Variants in NDRG2 observed in about 807,000 individuals in gnomAD.
The protein encoded by NDRG2 is protein NDRG2.
NDRG2 carries 34 observed loss-of-function variants against 58.2 expected under a neutral mutation model. That is an observed-to-expected ratio of 0.58 (90% CI 0.44 to 0.78). The LOEUF is 0.78. Ranked by LOEUF, NDRG2 falls within the 30% of genes least tolerant of loss-of-function variation. NDRG2 has a pLI of 0.00. For synonymous variants in NDRG2, 187 were observed against 175.9 expected (o/e 1.06, Z -0.50); for missense variants, 434 against 471.2 (o/e 0.92, Z 0.73).
At chr14:21,046,175 C>T (rs1162608079) in intron 1 of NDRG2, among the ~76,000 whole-genome samples, 1 of 152,082 alleles carries the variant, frequency 6.6e-6, no homozygotes, top group African/African-American at 2.4e-5. Context: ...TTGTTCTGTT[C>T]TGTACTATTT....
At chr14:21,018,108 C>A in intron 14 of NDRG2, 70 bp from the exon 15 acceptor site, 1 of 1,598,908 alleles carries the variant, frequency 6.3e-7, no homozygotes, top group South Asian at 1.1e-5. Flanking sequence ...CCTGAGGCTG[C>A]GGCACTGTGG....
In NDRG2 at chr14:21,022,407, C is replaced by T. The variant is rs748137507; in HGVS notation, c.208G>A (p.Asp70Asn). 6.2e-7 allele frequency: 1 copy of T among 1,613,622 alleles called. No homozygotes were observed. The highest frequency in any genetic ancestry group is 8.5e-7 in the Non-Finnish European group (1 of 1,179,614). ...AGGTCCTTACAGTTGAGTCCCACAT[C>T]GTGGTAGGTAAGGATCGCTGGGCGT... ...PKRPAILTYH[D>N]VGLNYKSCFQ... The change falls in exon 4 of 16, where the codon GAT (aspartate) becomes AAT (asparagine). Residue 70 changes from aspartate (D) to asparagine (N), a missense_variant. By Grantham distance (23) the Asp-to-Asn change is conservative. Transcript: ENST00000556147.
upstream of NDRG2, among the ~76,000 whole-genome samples, chr14:21,027,473 T>C (rs138826034): frequency 1.3e-5 from 2 of 152,336 alleles, no homozygotes; most frequent in South Asian, 2.1e-4. Flanking sequence ...ACAAGTTATA[T>C]ATAAGATCAA....
Position 21,070,240 on chromosome 14 carries a change from G to A in NDRG2, c.24+588C>T. ...CGGCCGTCTCGGCCCTCCCTGGCGGGGCCCCGCGGCCTGGAAGCCGGAGCG... is the reference window on the plus strand; with the variant it reads ...CGGCCGTCTCGGCCCTCCCTGGCGGAGCCCCGCGGCCTGGAAGCCGGAGCG... On this transcript the variant is annotated intron_variant, in intron 1 of 14. Coordinates refer to the NDRG2 transcript ENST00000403829. The surrounding 1 kb of genome is among the most constrained non-coding windows in gnomAD (Gnocchi z 4.7). 4.1e-6 allele frequency: 3 copies of A among 727,398 alleles called. No individual in the cohort carries two copies. The highest frequency in any genetic ancestry group is 5.5e-6 in the Non-Finnish European group (3 of 548,782). The allele number at this position is 727,398 out of a possible 1,614,324, so 45.1% of individuals were successfully genotyped here.
chr14:21,018,109 G>A (rs192277510), intron 14 of NDRG2, 71 bp from the exon 15 acceptor site: 73 of 1,596,520 alleles, frequency 4.6e-5, no homozygotes, highest in Admixed American at 4.3e-4. Context: ...CTGAGGCTGC[G>A]GCACTGTGGG....
rs534676734 is a variant in NDRG2 at position 21,018,122 on chromosome 14, C to T, written c.897+82G>A. 2.1e-5 allele frequency: 33 copies of T among 1,600,302 alleles called. No individual in the cohort carries two copies. The African/African-American group carries it at 2.5e-4, about 12-fold the overall frequency. ...GCCTGAGGCTGCGGCACTGTGGGGC[C>T]GGGTGTGTGGCAAAGGGCAGAGCCC... On this transcript the variant is annotated intron_variant, in intron 14 of 15. Transcript: ENST00000556147.
At chr14:21,050,834 G>C (rs1458050810) in intron 1 of NDRG2, among the ~76,000 whole-genome samples, 3 of 152,188 alleles carry the variant, frequency 2.0e-5, no homozygotes, top group Admixed American at 6.5e-5. Context: ...TGAGCATCAT[G>C]TCTGTAACTT....
chr14:21,067,985 T>TCTCCATGAAAAAAAAAATGATCCACTCCC lies in NDRG2; in HGVS notation c.24+2842_24+2843insGGGAGTGGATCATTTTTTTTTTCATGGAG, dbSNP rs1566514089. ...AAAAACTTTCAGTGGCTCCCCTTTT[T>TCTCCATGAAAAAAAAAATGATCCACTCCC]TTTTTTTTTTTTTTTTTTTTTTTTT... On this transcript the variant is annotated intron_variant, in intron 1 of 14. Coordinates refer to the NDRG2 transcript ENST00000403829. Among the ~76,000 whole-genome samples, 26 of 4,286 alleles carry TCTCCATGAAAAAAAAAATGATCCACTCCC rather than the reference T, an allele frequency of 6.1e-3. 3 individuals are homozygous for TCTCCATGAAAAAAAAAATGATCCACTCCC. The highest frequency in any genetic ancestry group is 0.028 in the African/African-American group (11 of 388). 2.8% of individuals were successfully genotyped at this position (4,286 alleles called of 152,430 possible).
At chr14:21,023,430 C>A in intron 1 of NDRG2, 109 bp from the exon 2 acceptor site, 1 of 1,014,648 alleles carries the variant, frequency 9.9e-7, no homozygotes. Flanking sequence ...CAGAGGGACC[C>A]AGGGGTTGAA....
intron 1 of NDRG2, chr14:21,031,071 G>T (rs375701695): frequency 6.2e-7 from 1 of 1,614,160 alleles, no homozygotes; most frequent in South Asian, 1.1e-5. Context: ...AAGGAACTGG[G>T]CCAGAAGCGC....
At chr14:21,069,085 C>T (rs1886464084) in intron 1 of NDRG2, among the ~76,000 whole-genome samples, 1 of 152,392 alleles carries the variant, frequency 6.6e-6, no homozygotes, top group South Asian at 2.1e-4. Context: ...CCGATCTCCT[C>T]TCCTCTCCCT....
Position 21,016,868 on chromosome 14 carries a change from C to G in NDRG2, c.*728G>C, listed in dbSNP as rs1455947597. ...CAGTGTGGTCAGAGCCCCAGGGTAG[C>G]CCTTTCCACCCTATGCCAAGCCCCA... On this transcript the variant is annotated 3_prime_UTR_variant, in exon 16 of 16. Coordinates refer to ENST00000556147, the MANE Select transcript of NDRG2 (RefSeq NM_001320329.2). 1.3e-5 allele frequency: 6 copies of G among 456,404 alleles called. No individual in the cohort carries two copies. Among genetic ancestry groups the G allele is most frequent in the Non-Finnish European group, 2.6e-5 (6 of 226,778 alleles). The allele number at this position is 456,404 out of a possible 1,614,324, so 28.3% of individuals were successfully genotyped here.
At chr14:21,060,119 G>C (rs1472014280) in intron 1 of NDRG2, among the ~76,000 whole-genome samples, 1 of 152,114 alleles carries the variant, frequency 6.6e-6, no homozygotes, top group Non-Finnish European at 1.5e-5. Context: ...CCCATATTTG[G>C]AAAGAGAGTT....
intron 1 of NDRG2, among the ~76,000 whole-genome samples, chr14:21,049,304 A>G (rs1885357658): frequency 6.6e-6 from 1 of 152,030 alleles, no homozygotes; most frequent in South Asian, 2.1e-4. Context: ...TTTCTGGTTC[A>G]TTTTTCATCA....
Position 21,068,800 on chromosome 14 carries a change from A to G in NDRG2, c.24+2028T>C, listed in dbSNP as rs202013626. 2.6e-5 allele frequency among the ~76,000 whole-genome samples: 4 copies of G among 152,368 alleles called. No homozygotes were observed. The East Asian group carries it at 7.7e-4, about 29-fold the overall frequency. On this transcript the variant is annotated intron_variant, in intron 1 of 14. Transcript: ENST00000403829. ...TAGGTTCTTTTTTGACGCATGGAGC[A>G]GAGGCCTCTTCTTGCCTCTAAGAAG...
In NDRG2 at chr14:21,020,551, A is replaced by G; in HGVS notation, c.500T>C (p.Val167Ala). The change falls in exon 8 of 16, where the codon GTC becomes GCC. Residue 167 changes from valine (V) to alanine (A), a missense_variant. Val to Ala is a moderately conservative substitution (Grantham distance 64). Coordinates refer to ENST00000556147, the MANE Select transcript of NDRG2 (RefSeq NM_001320329.2). Reference protein sequence around the residue: ...LNHPDTVEGLVLINIDPNAKG... With the variant: ...LNHPDTVEGLALINIDPNAKG... ...GGCATTGGGATCAATGTTGATGAGG[A>G]CAAGACCTTCAACAGTGTCCGGGTG... is the stretch of plus-strand genomic sequence containing the variant. The G allele has an allele frequency of 1.2e-6, 2 of 1,613,796 alleles. No homozygotes were observed. The highest frequency in any genetic ancestry group is 1.7e-6 in the Non-Finnish European group (2 of 1,179,940).
At chr14:21,048,672 T>C (rs995679813) in intron 1 of NDRG2, 13 of 152,238 alleles carry the variant, frequency 8.5e-5, no homozygotes, top group African/African-American at 2.7e-4. Context: ...ATAAAGCACT[T>C]AGTACAGTGA....
At chr14:21,064,762 C>G (rs2139167354) in intron 1 of NDRG2, among the ~76,000 whole-genome samples, 1 of 152,350 alleles carries the variant, frequency 6.6e-6, no homozygotes, top group Middle Eastern at 3.4e-3. Flanking sequence ...TCAACAAAGT[C>G]CATAAGCGAC....
chr14:21,026,140 A>ACACACG (rs1210561390), upstream of NDRG2, among the ~76,000 whole-genome samples: 30 of 151,698 alleles, frequency 2.0e-4, no homozygotes, highest in Non-Finnish European at 3.5e-4. Flanking sequence ...GACTTTACAC[A>ACACACG]CACACGCACA....
Sources: allele counts gnomAD v4.1 joint callset (sites outside exome capture counted in the v4.1 genomes callset), GRCh38; gene constraint gnomAD v4.1.1; non-coding constraint Gnocchi (gnomAD v3.1); transcripts MANE v1.5; gene names NCBI Gene and HGNC (gene_info 2026-07-23, HGNC 2026-07-21).